The following ITGA1 variants were observed in gnomAD, a reference collection of about 807,000 sequenced individuals.
The protein encoded by ITGA1 is integrin alpha-1.
In ITGA1, 85 loss-of-function variants were observed where a neutral mutation model predicts 145.9. The ratio of observed to expected loss-of-function variants is 0.58; its 90% CI spans 0.49 to 0.70. ITGA1 has a LOEUF of 0.70. Ranked by LOEUF, ITGA1 falls within the 30% of genes least tolerant of loss-of-function variation. The pLI is 0.00. For synonymous variants in ITGA1, 520 were observed against 495.3 expected, an observed-to-expected ratio of 1.05 and a Z score of -0.66; for missense variants, 1,351 against 1,418.7, an observed-to-expected ratio of 0.95 and a Z score of 0.77.
chr5:52,891,865 A>G (rs1213120582), intron 8 of ITGA1, among the ~76,000 whole-genome samples: 1 of 152,038 alleles, frequency 6.6e-6, no homozygotes, highest in East Asian at 1.9e-4. Context: ...ATATTGTTTT[A>G]AAAATGTTTT....
chr5:52,911,654 A>G (rs1750540489), intron 14 of ITGA1, among the ~76,000 whole-genome samples: 1 of 130,470 alleles, frequency 7.7e-6, no homozygotes, highest in African/African-American at 2.8e-5. Context: ...TATCTACTAT[A>G]TATACTATAC....
At chr5:52,888,946 G>A (rs767618244) in intron 8 of ITGA1, among the ~76,000 whole-genome samples, 6 of 152,144 alleles carry the variant, frequency 3.9e-5, no homozygotes, top group Non-Finnish European at 7.3e-5. Flanking sequence ...AAGGATGAGG[G>A]CTTTACTGAA....
rs1751285074 is a variant in ITGA1 at position 52,955,206 on chromosome 5, G to T, written c.*2755G>T. The T allele has an allele frequency of 6.6e-6, 1 of 151,426 alleles. No individual in the cohort carries two copies. Among genetic ancestry groups the T allele is most frequent in the Admixed American group, 6.6e-5 (1 of 15,162 alleles). 9.4% of individuals were successfully genotyped at this position (151,426 alleles called of 1,614,324 possible). A position where few individuals can be genotyped will look rare whatever the true frequency, so the allele number is the denominator to read the frequency against. On this transcript the variant is annotated 3_prime_UTR_variant, in exon 29 of 29. Coordinates refer to ENST00000282588, the MANE Select transcript of ITGA1 (RefSeq NM_181501.2). ...TTTGTATCATTTGCCAATTTCCATG[G>T]TCCAAATATTCTCTCTCCATTTTCA...
chr5:52,908,151 C>T (rs1179403378), intron 12 of ITGA1, among the ~76,000 whole-genome samples: 2 of 152,084 alleles, frequency 1.3e-5, no homozygotes, highest in African/African-American at 4.8e-5. Context: ...AAAGGGTGGT[C>T]TATGCCACAG....
intron 6 of ITGA1, among the ~76,000 whole-genome samples, chr5:52,869,017 A>G (rs1273369110): frequency 6.6e-6 from 1 of 152,168 alleles, no homozygotes; most frequent in Non-Finnish European, 1.5e-5. Flanking sequence ...GTCTAATGCC[A>G]TGTTTCTCCA....
At chr5:52,808,660 T>TTTTCTTTCTTTC (rs1418281937) in intron 1 of ITGA1, among the ~76,000 whole-genome samples, 2 of 116,218 alleles carry the variant, frequency 1.7e-5, no homozygotes, top group African/African-American at 3.5e-5. Context: ...CTTTTTTTCT[T>TTTTCTTTCTTTC]TTTCTTTCTT....
intron 1 of ITGA1, among the ~76,000 whole-genome samples, chr5:52,847,697 G>C (rs980616120): frequency 6.6e-6 from 1 of 152,026 alleles, no homozygotes; most frequent in African/African-American, 2.4e-5. Flanking sequence ...GGACTACAGG[G>C]GCATGCCACC....
intron 19 of ITGA1, 129 bp downstream of exon 19, chr5:52,925,616 C>T (rs1750794014): frequency 1.5e-6 from 1 of 676,216 alleles, no homozygotes; most frequent in Admixed American, 2.9e-5. Flanking sequence ...TACATTAGTC[C>T]TCACCAATGG....
chr5:52,893,408 C>A (rs1750180408), intron 8 of ITGA1, among the ~76,000 whole-genome samples: 1 of 152,108 alleles, frequency 6.6e-6, no homozygotes, highest in African/African-American at 2.4e-5. Context: ...CTGTTAGTAA[C>A]AGGGACACAG....
intron 1 of ITGA1, among the ~76,000 whole-genome samples, chr5:52,844,372 A>G (rs1330783658): frequency 6.6e-6 from 1 of 152,176 alleles, no homozygotes; most frequent in Non-Finnish European, 1.5e-5. Flanking sequence ...AGTTATGCAG[A>G]CTAATATGTG....
At chr5:52,906,052 A>G (rs1191971948) in intron 12 of ITGA1, 144 bp downstream of exon 12, 3 of 642,918 alleles carry the variant, frequency 4.7e-6, no homozygotes, top group Non-Finnish European at 7.8e-6. Context: ...GTTCTTTGGA[A>G]GGATGTATAG....
chr5:52,813,217 A>G (rs55829061), intron 1 of ITGA1, among the ~76,000 whole-genome samples: 39,947 of 151,988 alleles, frequency 0.26, 5,528 homozygotes, highest in Non-Finnish European at 0.3. Context: ...TCATCCCTGA[A>G]ACTGGTTCTA....
chr5:52,952,154 C>A (rs1751230836), intron 28 of ITGA1, among the ~76,000 whole-genome samples: 1 of 147,184 alleles, frequency 6.8e-6, no homozygotes, highest in African/African-American at 2.5e-5. Flanking sequence ...CACGCCACTG[C>A]ACTCCAGCCT....
At chr5:52,845,594 G>A (rs534519007) in intron 1 of ITGA1, among the ~76,000 whole-genome samples, 135 of 152,290 alleles carry the variant, frequency 8.9e-4, no homozygotes, top group African/African-American at 3.2e-3. Context: ...CTGTTCAAGA[G>A]TGGTTTTCAA....
At chr5:52,923,761 A>G (rs1750764419) in intron 18 of ITGA1, among the ~76,000 whole-genome samples, 1 of 152,198 alleles carries the variant, frequency 6.6e-6, no homozygotes, top group African/African-American at 2.4e-5. Context: ...CTCCCCCATT[A>G]TTCTAATAAG....
chr5:52,843,208 A>G (rs570343189), intron 1 of ITGA1, among the ~76,000 whole-genome samples: 6 of 152,310 alleles, frequency 3.9e-5, no homozygotes, highest in Admixed American at 1.3e-4. Context: ...AATTATGATT[A>G]TATCTTGTCT....
rs1280008634 is a variant in ITGA1, at chr5:52,958,251, A to C, written c.*5800A>C. On this transcript the variant is annotated 3_prime_UTR_variant, in exon 29 of 29. Coordinates refer to ENST00000282588, the MANE Select transcript of ITGA1 (RefSeq NM_181501.2). ...ACAGGAAAAAAAATGGGGGTGAGGG[A>C]GTGGAAGATGATGAAACTATTTCTC... The C allele has an allele frequency of 1.3e-5, 2 of 152,172 alleles. No homozygotes were observed. The highest frequency in any genetic ancestry group is 4.8e-5 in the African/African-American group (2 of 41,432). 9.4% of individuals were successfully genotyped at this position (152,172 alleles called of 1,614,324 possible).
At chr5:52,815,203 C>T (rs866049134) in intron 1 of ITGA1, among the ~76,000 whole-genome samples, 1 of 152,102 alleles carries the variant, frequency 6.6e-6, no homozygotes, top group Non-Finnish European at 1.5e-5. Flanking sequence ...AGATCCACCA[C>T]GGTTTTTACT....
intron 3 of ITGA1, among the ~76,000 whole-genome samples, chr5:52,862,946 A>G (rs1414605708): frequency 6.6e-6 from 1 of 152,124 alleles, no homozygotes; most frequent in Non-Finnish European, 1.5e-5. Context: ...AGCTGCTTTA[A>G]TATCCTTGCC....
Sources: allele counts gnomAD v4.1 joint callset (sites outside exome capture counted in the v4.1 genomes callset), GRCh38; gene constraint gnomAD v4.1.1; transcripts MANE v1.5; gene names NCBI Gene and HGNC (gene_info 2026-07-23, HGNC 2026-07-21).